The following DYM variants were observed in gnomAD, a reference collection of about 807,000 sequenced individuals.
The protein encoded by DYM is dyggve-Melchior-Clausen syndrome protein.
Under a neutral mutation model 93.1 loss-of-function variants are expected in DYM, and 78 were observed. The ratio of observed to expected loss-of-function variants is 0.84; its 90% CI spans 0.70 to 1.01. The LOEUF is 1.01. Among genes scored for constraint, DYM ranks in the 50% least tolerant of loss-of-function variants. The pLI is 0.00. For synonymous variants in DYM, 321 were observed against 319.7 expected (o/e 1.00, Z -0.04); for missense variants, 789 against 845.0 (o/e 0.93, Z 0.82).
At chr18:49,053,294 C>T (rs1030141777) in intron 17 of DYM, among the ~76,000 whole-genome samples, 1 of 152,170 alleles carries the variant, frequency 6.6e-6, no homozygotes, top group Non-Finnish European at 1.5e-5. Context: ...ACAGGAAGTT[C>T]AGTGAACAGA....
chr18:49,285,185 G>A (rs1400604075), intron 9 of DYM, among the ~76,000 whole-genome samples: 2 of 152,280 alleles, frequency 1.3e-5, no homozygotes, highest in East Asian at 1.9e-4. Context: ...TGAGTCTCAG[G>A]TATTTTGTTA....
intron 5 of DYM, among the ~76,000 whole-genome samples, chr18:49,373,914 C>G (rs1242304232): frequency 1.3e-5 from 2 of 152,114 alleles, no homozygotes. Flanking sequence ...CTACTGGCAT[C>G]ACAAACATGA....
chr18:49,042,212 G>A lies in DYM; in HGVS notation c.*1843C>T, dbSNP rs1321780602. 1.3e-5 allele frequency: 2 copies of A among 153,094 alleles called. No individual in the cohort carries two copies. Among genetic ancestry groups the A allele is most frequent in the Admixed American group, 6.5e-5 (1 of 15,290 alleles). 9.5% of individuals were successfully genotyped at this position (153,094 alleles called of 1,614,324 possible). Reference sequence around the variant, plus strand: ...CTCTAGCCTGTACATGGGCTCTGAGGTGAACACAGGAGTCAGAGTCCCCAC... The same window carrying A: ...CTCTAGCCTGTACATGGGCTCTGAGATGAACACAGGAGTCAGAGTCCCCAC... On this transcript the variant is annotated 3_prime_UTR_variant, in exon 18 of 18. Coordinates refer to ENST00000675505, the MANE Select transcript of DYM (RefSeq NM_001353214.3).
intron 5 of DYM, among the ~76,000 whole-genome samples, chr18:49,376,924 G>A (rs2067555598): frequency 6.6e-6 from 1 of 152,174 alleles, no homozygotes; most frequent in African/African-American, 2.4e-5. Flanking sequence ...GATCTTGAAA[G>A]AGGCCATAAG....
chr18:49,401,405 TTTG>T (rs1270738386), intron 2 of DYM, among the ~76,000 whole-genome samples: 1 of 152,192 alleles, frequency 6.6e-6, no homozygotes. Context: ...TCAGTTTTAT[TTTG>T]TTTTTTACTG....
intron 15 of DYM, among the ~76,000 whole-genome samples, chr18:49,135,215 A>G (rs1343089393): frequency 6.6e-6 from 1 of 152,202 alleles, no homozygotes; most frequent in Non-Finnish European, 1.5e-5. Context: ...AATACTGCAA[A>G]TACAATTGAA....
chr18:49,051,449 G>A (rs1451133663), intron 17 of DYM, among the ~76,000 whole-genome samples: 1 of 152,182 alleles, frequency 6.6e-6, no homozygotes, highest in Non-Finnish European at 1.5e-5. Flanking sequence ...CTGACTAGGT[G>A]TGGTTTTATG....
intron 8 of DYM, among the ~76,000 whole-genome samples, chr18:49,293,078 T>A (rs928881412): frequency 4.6e-5 from 7 of 152,114 alleles, no homozygotes; most frequent in African/African-American, 1.7e-4. Flanking sequence ...CATGAAGTGT[T>A]TGGTTTTCTG....
At chr18:49,239,293 T>C (rs1249349300) in intron 13 of DYM, among the ~76,000 whole-genome samples, 2 of 152,248 alleles carry the variant, frequency 1.3e-5, no homozygotes, top group African/African-American at 4.8e-5. Context: ...ATTTTCTATT[T>C]TGAACAGAAG....
At chr18:49,300,102 T>C (rs1433102336) in intron 8 of DYM, among the ~76,000 whole-genome samples, 1 of 145,488 alleles carries the variant, frequency 6.9e-6, no homozygotes, top group Non-Finnish European at 1.5e-5. Context: ...TATATAAATA[T>C]ATAAATACAT....
At chr18:49,412,634 A>G (rs2072405826) in intron 2 of DYM, among the ~76,000 whole-genome samples, 1 of 152,206 alleles carries the variant, frequency 6.6e-6, no homozygotes, top group South Asian at 2.1e-4. Flanking sequence ...AGAATTTAGA[A>G]GATGGTTTAG....
intron 14 of DYM, among the ~76,000 whole-genome samples, chr18:49,181,359 C>T (rs1230551720): frequency 6.6e-6 from 1 of 152,052 alleles, no homozygotes; most frequent in Non-Finnish European, 1.5e-5. Context: ...AATCCTTGAT[C>T]CCCCAGTAAA....
At chr18:49,057,363 G>A (rs977999238) in intron 17 of DYM, among the ~76,000 whole-genome samples, 1 of 152,236 alleles carries the variant, frequency 6.6e-6, no homozygotes, top group African/African-American at 2.4e-5. Flanking sequence ...CAGGTCTCTC[G>A]TGGACACTGC....
chr18:49,390,986 G>C (rs191255607), intron 3 of DYM, among the ~76,000 whole-genome samples: 2 of 152,272 alleles, frequency 1.3e-5, no homozygotes, highest in African/African-American at 2.4e-5. Flanking sequence ...TTAAGCATTT[G>C]AGAAACAAGA....
chr18:49,405,937 C>A (rs1599979771), intron 2 of DYM, among the ~76,000 whole-genome samples: 3 of 152,116 alleles, frequency 2.0e-5, no homozygotes. Flanking sequence ...TAGAGATCTT[C>A]CACCTCCTCG....
At chr18:49,090,658 T>C (rs1046983986) in intron 17 of DYM, among the ~76,000 whole-genome samples, 2 of 152,176 alleles carry the variant, frequency 1.3e-5, no homozygotes, top group African/African-American at 2.4e-5. Flanking sequence ...AGTGGCTCTT[T>C]ATTGGACTCT....
At chr18:49,442,519 C>G (rs1197984961) in intron 1 of DYM, among the ~76,000 whole-genome samples, 2 of 151,890 alleles carry the variant, frequency 1.3e-5, no homozygotes, top group Non-Finnish European at 2.9e-5. Context: ...CCACCACACT[C>G]CAGCCTGGGC....
chr18:49,122,937 A>G (rs1372749866), intron 15 of DYM, among the ~76,000 whole-genome samples: 1 of 152,212 alleles, frequency 6.6e-6, no homozygotes, highest in Non-Finnish European at 1.5e-5. Flanking sequence ...GATAGTGTCC[A>G]GTATAGATCA....
intron 16 of DYM, among the ~76,000 whole-genome samples, chr18:49,111,239 T>G (rs1472697237): frequency 6.6e-6 from 1 of 152,176 alleles, no homozygotes. Context: ...ACATACGTAT[T>G]TCACAGGCTG....
Sources: gnomAD v4.1 joint callset for allele counts (sites outside exome capture counted in the v4.1 genomes callset) on GRCh38, gnomAD v4.1.1 for gene constraint, MANE v1.5 for transcripts, NCBI Gene and HGNC (gene_info 2026-07-23, HGNC 2026-07-21) for gene names.